Variants in DPYS observed in about 807,000 individuals in gnomAD.
DPYS encodes dihydropyrimidine amidohydrolase.
A neutral mutation model predicts 50.3 loss-of-function variants in DPYS; 39 were observed. That is an observed-to-expected ratio of 0.78 (90% CI 0.60 to 1.01). DPYS has a LOEUF of 1.01. DPYS is among the 50% of genes least tolerant of loss of function. The probability of loss-of-function intolerance (pLI) is 0.00; values close to 1 mark genes in which losing one functional copy is unlikely to be tolerated. For synonymous variants in DPYS, 245 were observed against 250.7 expected, an observed-to-expected ratio of 0.98 and a Z score of 0.22; for missense variants, 659 against 680.9, an observed-to-expected ratio of 0.97 and a Z score of 0.36.
intron 8 of DPYS, among the ~76,000 whole-genome samples, chr8:104,386,394 G>A (rs1200406465): frequency 6.6e-6 from 1 of 151,822 alleles, no homozygotes; most frequent in East Asian, 2.0e-4. Flanking sequence ...TTATCCAGGT[G>A]TGGTGGCCTA....
chr8:104,440,197 C>T (rs1813300154), intron 4 of DPYS, among the ~76,000 whole-genome samples: 1 of 152,142 alleles, frequency 6.6e-6, no homozygotes, highest in Admixed American at 6.5e-5. Flanking sequence ...TACTATCCCG[C>T]TCTTCTGGAT....
At chr8:104,393,075 AG>A in intron 7 of DPYS, 84 bp from the exon 8 acceptor site, 1 of 1,339,670 alleles carries the variant, frequency 7.5e-7, no homozygotes, top group South Asian at 1.3e-5. Context: ...AGAATGACTT[AG>A]AAGAAAACTT....
chr8:104,466,875 T>G lies in DPYS; in HGVS notation c.46A>C (p.Asn16His), dbSNP rs865820006. 6.6e-7 allele frequency: 1 copy of G among 1,518,556 alleles called. No homozygotes were observed. Among genetic ancestry groups the G allele is most frequent in the Non-Finnish European group, 8.8e-7 (1 of 1,139,664 alleles). 94.1% of individuals were successfully genotyped at this position (1,518,556 alleles called of 1,614,324 possible). A position where few individuals can be genotyped will look rare whatever the true frequency, so the allele number is the denominator to read the frequency against. The change falls in exon 1 of 10, where the codon AAC becomes CAC. Residue 16 changes from asparagine to histidine, a missense_variant. Asn to His is a moderately conservative substitution (Grantham distance 68). Coordinates refer to ENST00000351513, the MANE Select transcript of DPYS (RefSeq NM_001385.3). ...RLLIRGGRVV[N>H]DDFSEVADVL... is the part of the protein sequence containing the mutation. ...TCGGCCACCTCCGAGAAGTCATCGT[T>G]GACCACGCGACCCCCGCGGATCAGG...
chr8:104,430,509 A>G (rs555930338), intron 4 of DPYS, among the ~76,000 whole-genome samples: 31 of 152,262 alleles, frequency 2.0e-4, no homozygotes, highest in South Asian at 1.2e-3. Context: ...CATTAAGGAG[A>G]GTGCACAGTA....
chr8:104,443,959 G>T (rs954471001), intron 4 of DPYS, among the ~76,000 whole-genome samples: 4 of 152,152 alleles, frequency 2.6e-5, no homozygotes, highest in African/African-American at 9.7e-5. Context: ...GCTGCTAGTG[G>T]CATTGAGTGT....
In DPYS at chr8:104,466,890, C is replaced by T; in HGVS notation, c.31G>A (p.Gly11Arg). 1 of 1,512,924 alleles carries T rather than the reference C, an allele frequency of 6.6e-7. No homozygotes were observed. Among genetic ancestry groups the T allele is most frequent in the Non-Finnish European group, 8.8e-7 (1 of 1,136,730 alleles). 93.7% of individuals were successfully genotyped at this position (1,512,924 alleles called of 1,614,324 possible). Reference sequence around the variant, plus strand: ...AAGTCATCGTTGACCACGCGACCCCCGCGGATCAGGAGCCGCGAGGGCGCC... The same window carrying T: ...AAGTCATCGTTGACCACGCGACCCCTGCGGATCAGGAGCCGCGAGGGCGCC... The part of the protein sequence containing the change: MAAPSRLLIR[G>R]GRVVNDDFSE... Residue 11 changes from glycine to arginine, a missense_variant, in exon 1 of 10, where the codon GGG becomes AGG. Transcript: ENST00000351513.
intron 1 of DPYS, among the ~76,000 whole-genome samples, chr8:104,459,428 T>G (rs968249720): frequency 6.6e-6 from 1 of 152,158 alleles, no homozygotes; most frequent in Non-Finnish European, 1.5e-5. Context: ...AATACCATGG[T>G]TTTCATCTCT....
chr8:104,381,384 T>G (rs561454860), intron 8 of DPYS, 70 bp from the exon 9 acceptor site: 1 of 1,356,264 alleles, frequency 7.4e-7, no homozygotes, highest in African/African-American at 1.4e-5. Context: ...GTAGCTCCCT[T>G]TATGAATTGC....
chr8:104,384,308 T>G (rs999467989), intron 8 of DPYS, among the ~76,000 whole-genome samples: 4 of 152,238 alleles, frequency 2.6e-5, no homozygotes, highest in Non-Finnish European at 5.9e-5. Context: ...AGAATTGGGT[T>G]ACATAAGCTC....
At chr8:104,450,035 G>A (rs1813677360) in intron 2 of DPYS, among the ~76,000 whole-genome samples, 1 of 151,988 alleles carries the variant, frequency 6.6e-6, no homozygotes. Context: ...ACTAAAGTGT[G>A]AGAAGCACTG....
chr8:104,401,447 C>T (rs933473504), intron 7 of DPYS, among the ~76,000 whole-genome samples: 5 of 152,046 alleles, frequency 3.3e-5, no homozygotes, highest in African/African-American at 1.2e-4. Context: ...TAAGCCTGGG[C>T]CTTTCGCTTC....
intron 3 of DPYS, among the ~76,000 whole-genome samples, 175 bp downstream of exon 3, chr8:104,447,149 T>C (rs1234843189): frequency 1.3e-5 from 2 of 152,124 alleles, no homozygotes; most frequent in Non-Finnish European, 2.9e-5. Context: ...CTCAAGGAAA[T>C]GGAGTTGGGA....
chr8:104,411,584 A>G (rs1216595889), intron 7 of DPYS, among the ~76,000 whole-genome samples: 1 of 152,152 alleles, frequency 6.6e-6, no homozygotes, highest in Non-Finnish European at 1.5e-5. Context: ...GGGAAAGAGC[A>G]TTGCAAATAT....
chr8:104,400,519 G>A (rs1246563043), intron 7 of DPYS, among the ~76,000 whole-genome samples: 1 of 152,178 alleles, frequency 6.6e-6, no homozygotes, highest in Non-Finnish European at 1.5e-5. Flanking sequence ...ATGACTGATT[G>A]GACAGCTAGG....
At chr8:104,381,865 CACACACACACACACACACAT>C (rs199767203) in intron 8 of DPYS, among the ~76,000 whole-genome samples, 6,353 of 126,520 alleles carry the variant, frequency 0.05, 155 homozygotes, top group Middle Eastern at 0.13. Context: ...CACACACACA[CACACACACACACACACACAT>C]ACACACAGAC....
intron 1 of DPYS, among the ~76,000 whole-genome samples, chr8:104,465,663 C>T (rs77950150): frequency 0.083 from 12,560 of 152,188 alleles, 612 homozygotes; most frequent in South Asian, 0.11. Context: ...TATACTAACA[C>T]TAACGACAGC....
At chr8:104,465,747 T>C (rs1026485142) in intron 1 of DPYS, among the ~76,000 whole-genome samples, 60 of 152,338 alleles carry the variant, frequency 3.9e-4, no homozygotes, top group African/African-American at 1.4e-3. Flanking sequence ...CATTCAAAGC[T>C]GTCCTGGGCT....
At chr8:104,402,842 C>T (rs1811865264) in intron 7 of DPYS, among the ~76,000 whole-genome samples, 1 of 152,168 alleles carries the variant, frequency 6.6e-6, no homozygotes, top group Non-Finnish European at 1.5e-5. Context: ...TCACATCCAC[C>T]TTTAAACATG....
chr8:104,413,610 T>C (rs1564090833), intron 7 of DPYS, among the ~76,000 whole-genome samples: 2 of 152,156 alleles, frequency 1.3e-5, no homozygotes, highest in South Asian at 2.1e-4. Flanking sequence ...ATAATCCTAG[T>C]CATTTTAACA....
Sources: gnomAD v4.1 joint callset for allele counts (sites outside exome capture counted in the v4.1 genomes callset) on GRCh38, gnomAD v4.1.1 for gene constraint, MANE v1.5 for transcripts, NCBI Gene and HGNC (gene_info 2026-07-23, HGNC 2026-07-21) for gene names.